Variants in PTPRT observed in about 807,000 individuals in gnomAD.
PTPRT encodes protein tyrosine phosphatase receptor type T.
Under a neutral mutation model 176.8 loss-of-function variants are expected in PTPRT, and 56 were observed. That is an observed-to-expected ratio of 0.32 (90% CI 0.26 to 0.40). The LOEUF (loss-of-function observed/expected upper bound fraction) is 0.40, where lower values mean the gene tolerates loss of function less well. PTPRT is among the 10% of genes least tolerant of loss of function. The pLI is 1.00. For missense variants in PTPRT, 1,540 were observed against 1,908.2 expected (o/e 0.81, Z 3.60); for synonymous variants, 783 against 739.0 (o/e 1.06, Z -0.96).
intron 1 of PTPRT, among the ~76,000 whole-genome samples, chr20:43,014,573 A>G (rs1366868961): frequency 6.6e-6 from 1 of 152,224 alleles, no homozygotes; most frequent in Non-Finnish European, 1.5e-5. Flanking sequence ...CGGGGATGGC[A>G]TCACCAACAC....
intron 15 of PTPRT, among the ~76,000 whole-genome samples, chr20:42,201,255 A>G (rs1338766803): frequency 6.6e-6 from 1 of 152,172 alleles, no homozygotes; most frequent in Non-Finnish European, 1.5e-5. Context: ...AGCCGAGATC[A>G]CGCCTCTGCA....
intron 1 of PTPRT, among the ~76,000 whole-genome samples, chr20:42,943,373 C>A (rs575162919): frequency 6.6e-6 from 1 of 152,316 alleles, no homozygotes; most frequent in Admixed American, 6.5e-5. Flanking sequence ...GATACGCACG[C>A]AGAGCCTTCG....
chr20:42,270,932 T>C (rs887256495), intron 13 of PTPRT, among the ~76,000 whole-genome samples: 11 of 152,218 alleles, frequency 7.2e-5, no homozygotes, highest in Admixed American at 4.6e-4. Flanking sequence ...AGAAAAGCTC[T>C]TGAAGCTGCT....
intron 1 of PTPRT, among the ~76,000 whole-genome samples, chr20:43,073,277 G>A (rs995875630): frequency 6.6e-6 from 1 of 152,138 alleles, no homozygotes; most frequent in East Asian, 1.9e-4. Flanking sequence ...CACATTCTGT[G>A]TATGTGTACA....
At chr20:42,068,635 T>C (rs1982182967), downstream of PTPRT, among the ~76,000 whole-genome samples, 1 of 152,222 alleles carries the variant, frequency 6.6e-6, no homozygotes, top group African/African-American at 2.4e-5. Flanking sequence ...TTATCTTCTC[T>C]GAGGCTTCTT....
rs56393343 is a variant in PTPRT at position 42,901,634 on chromosome 20, C to T, written c.89-15702G>A. Among the ~76,000 whole-genome samples the T allele has an allele frequency of 4.8e-3, 731 of 152,212 alleles. 4 individuals carry two copies. The highest frequency in any genetic ancestry group is 7.7e-3 in the Non-Finnish European group (525 of 68,020). ...GCTTGCCACGATTGCTAGAATACAT[C>T]GACTTGACCACAGTGGTAGCACAGT... is the stretch of plus-strand genomic sequence containing the variant. On this transcript the variant is annotated intron_variant, in intron 1 of 30. Coordinates refer to ENST00000373187, the MANE Select transcript of PTPRT (RefSeq NM_007050.6).
chr20:42,256,534 C>T (rs201701294), intron 13 of PTPRT, among the ~76,000 whole-genome samples: 21 of 151,586 alleles, frequency 1.4e-4, no homozygotes, highest in African/African-American at 3.6e-4. Flanking sequence ...ATACTTTACG[C>T]TAGTGTGATG....
At chr20:42,504,841 G>A (rs1306652519) in intron 7 of PTPRT, among the ~76,000 whole-genome samples, 1 of 152,014 alleles carries the variant, frequency 6.6e-6, no homozygotes, top group Non-Finnish European at 1.5e-5. Context: ...AATTTACTGA[G>A]TTTTAATTAT....
At chr20:42,808,297 C>T (rs1223291485) in intron 2 of PTPRT, among the ~76,000 whole-genome samples, 2 of 152,176 alleles carry the variant, frequency 1.3e-5, no homozygotes, top group African/African-American at 4.8e-5. Context: ...TTCTGAATCC[C>T]AGAGAATCCA....
intron 6 of PTPRT, among the ~76,000 whole-genome samples, chr20:42,683,921 G>C (rs528947816): frequency 4.5e-4 from 68 of 152,294 alleles, no homozygotes; most frequent in Non-Finnish European, 2.2e-4. Flanking sequence ...GGGATTCTAT[G>C]TGTACTGAAT....
At chr20:42,407,732 T>C (rs2058975423) in intron 9 of PTPRT, among the ~76,000 whole-genome samples, 1 of 152,136 alleles carries the variant, frequency 6.6e-6, no homozygotes, top group African/African-American at 2.4e-5. Context: ...ATAGAATTTA[T>C]CTACAAATGA....
At chr20:42,284,704 G>T (rs1358466684) in intron 12 of PTPRT, among the ~76,000 whole-genome samples, 1 of 151,952 alleles carries the variant, frequency 6.6e-6, no homozygotes, top group Non-Finnish European at 1.5e-5. Context: ...TCAGTGCAAA[G>T]ACTGTCTTAA....
chr20:42,283,429 C>A (rs767138657), intron 12 of PTPRT, among the ~76,000 whole-genome samples: 1 of 152,070 alleles, frequency 6.6e-6, no homozygotes, highest in Non-Finnish European at 1.5e-5. Flanking sequence ...CACAAAGAAC[C>A]ATTGCATCTT....
chr20:42,692,540 T>C (rs912284560), intron 6 of PTPRT, among the ~76,000 whole-genome samples: 3 of 152,102 alleles, frequency 2.0e-5, no homozygotes, highest in African/African-American at 7.2e-5. Flanking sequence ...AGAAGGAAAG[T>C]CCTATAATCT....
intron 9 of PTPRT, among the ~76,000 whole-genome samples, chr20:42,435,722 T>C (rs957871196): frequency 3.3e-5 from 5 of 152,224 alleles, no homozygotes; most frequent in Admixed American, 6.5e-5. Flanking sequence ...TATTGTTCTA[T>C]ACATTCAAGG....
chr20:43,060,877 G>A (rs1280564058), intron 1 of PTPRT, among the ~76,000 whole-genome samples: 3 of 152,178 alleles, frequency 2.0e-5, no homozygotes, highest in African/African-American at 4.8e-5. Flanking sequence ...TGGGGTGACA[G>A]GTTGTGTATT....
At chr20:42,819,774 C>T (rs1379950897) in intron 2 of PTPRT, among the ~76,000 whole-genome samples, 1 of 151,786 alleles carries the variant, frequency 6.6e-6, no homozygotes, top group Non-Finnish European at 1.5e-5. Context: ...GGTTGCAATC[C>T]TAATCTCTGA....
At chr20:42,210,849 C>A (rs1043195534) in intron 15 of PTPRT, among the ~76,000 whole-genome samples, 1 of 152,042 alleles carries the variant, frequency 6.6e-6, no homozygotes, top group East Asian at 1.9e-4. Context: ...TCAATCCTAA[C>A]CCAAAAGAAC....
intron 7 of PTPRT, among the ~76,000 whole-genome samples, chr20:42,517,470 A>T (rs1385242812): frequency 6.6e-6 from 1 of 151,970 alleles, no homozygotes; most frequent in East Asian, 1.9e-4. Flanking sequence ...GACTTTGCCA[A>T]TCTTTCTATT....
Sources: gnomAD v4.1 joint callset for allele counts (sites outside exome capture counted in the v4.1 genomes callset) on GRCh38, gnomAD v4.1.1 for gene constraint, MANE v1.5 for transcripts, NCBI Gene and HGNC (gene_info 2026-07-23, HGNC 2026-07-21) for gene names.